Variants in SCFD1 observed in about 807,000 individuals in gnomAD.
SCFD1 encodes sec1 family domain-containing protein 1.
SCFD1 carries 37 observed loss-of-function variants against 103.2 expected under a neutral mutation model. The observed-to-expected ratio is 0.36, with a 90% CI of 0.28 to 0.47. The LOEUF (loss-of-function observed/expected upper bound fraction) is 0.47, where lower values mean the gene tolerates loss of function less well. Among genes scored for constraint, SCFD1 ranks in the 20% least tolerant of loss-of-function variants. The pLI is 1.00. For missense variants in SCFD1, 639 were observed against 761.2 expected, an observed-to-expected ratio of 0.84 and a Z score of 1.89; for synonymous variants, 264 against 245.0, an observed-to-expected ratio of 1.08 and a Z score of -0.73.
chr14:30,656,390 G>C (rs1388958862), intron 10 of SCFD1, among the ~76,000 whole-genome samples: 1 of 152,144 alleles, frequency 6.6e-6, no homozygotes, highest in Non-Finnish European at 1.5e-5. Context: ...TGTGGACCAG[G>C]ATTTCTCAAC....
At chr14:30,655,059 C>T (rs1017471947) in intron 10 of SCFD1, among the ~76,000 whole-genome samples, 2 of 152,134 alleles carry the variant, frequency 1.3e-5, no homozygotes, top group Non-Finnish European at 2.9e-5. Context: ...TCCTGTCTTT[C>T]TAGAGCTTAC....
At chr14:30,674,318 A>G (rs773332293) in intron 13 of SCFD1, among the ~76,000 whole-genome samples, 3 of 152,166 alleles carry the variant, frequency 2.0e-5, no homozygotes, top group Non-Finnish European at 2.9e-5. Context: ...ACTAAAAGTT[A>G]AACAGTTTTT....
chr14:30,637,224 A>C (rs533736565), intron 4 of SCFD1, among the ~76,000 whole-genome samples: 4 of 152,070 alleles, frequency 2.6e-5, no homozygotes, highest in Non-Finnish European at 5.9e-5. Context: ...ATCCAGATAA[A>C]CAGATAACCT....
chr14:30,701,800 A>C (rs915278847), intron 16 of SCFD1, among the ~76,000 whole-genome samples: 1 of 152,042 alleles, frequency 6.6e-6, no homozygotes, highest in Non-Finnish European at 1.5e-5. Flanking sequence ...GAAAATGAGT[A>C]AGGAAGAGTG....
At chr14:30,727,209 G>A (rs1594772758) in intron 23 of SCFD1, among the ~76,000 whole-genome samples, 1 of 152,304 alleles carries the variant, frequency 6.6e-6, no homozygotes, top group African/African-American at 2.4e-5. Flanking sequence ...ATGTTACTAT[G>A]AGTAGTTGGA....
intron 14 of SCFD1, among the ~76,000 whole-genome samples, chr14:30,677,660 T>C (rs2139236828): frequency 6.6e-6 from 1 of 152,138 alleles, no homozygotes; most frequent in African/African-American, 2.4e-5. Context: ...ATTTCCATCC[T>C]TATAAGCGGC....
chr14:30,725,086 G>A (rs890182400), intron 23 of SCFD1, among the ~76,000 whole-genome samples: 11 of 152,126 alleles, frequency 7.2e-5, no homozygotes, highest in African/African-American at 2.2e-4. Context: ...CTACTGTATA[G>A]CCCTGTACTA....
At chr14:30,733,294 C>A (rs1893612986) in intron 23 of SCFD1, among the ~76,000 whole-genome samples, 1 of 152,156 alleles carries the variant, frequency 6.6e-6, no homozygotes, top group Non-Finnish European at 1.5e-5. Flanking sequence ...AGGCATGAGC[C>A]ACTGCGCCCA....
At chr14:30,662,839 C>T (rs527589387) in intron 10 of SCFD1, among the ~76,000 whole-genome samples, 4 of 152,256 alleles carry the variant, frequency 2.6e-5, no homozygotes, top group South Asian at 2.1e-4. Flanking sequence ...CTGAAGGCTT[C>T]TACATGTTTT....
chr14:30,626,834 C>T (rs1412463199), intron 1 of SCFD1, among the ~76,000 whole-genome samples: 1 of 152,150 alleles, frequency 6.6e-6, no homozygotes, highest in East Asian at 1.9e-4. Flanking sequence ...GCAAATGTAT[C>T]ACTGAAGTAC....
intron 19 of SCFD1, among the ~76,000 whole-genome samples, chr14:30,714,270 C>T (rs1354981817): frequency 6.6e-6 from 1 of 150,820 alleles, no homozygotes; most frequent in Non-Finnish European, 1.5e-5. Flanking sequence ...AGGAGAACGG[C>T]GTGAACCCGG....
chr14:30,683,053 C>T (rs1246064692), intron 14 of SCFD1: 3 of 1,365,710 alleles, frequency 2.2e-6, no homozygotes, highest in Non-Finnish European at 3.1e-6. Context: ...GGTCAGGGCT[C>T]CTGACTGGTG....
intron 5 of SCFD1, 130 bp downstream of exon 5, chr14:30,638,377 T>C (rs925247672): frequency 1.6e-6 from 2 of 1,268,264 alleles, no homozygotes; most frequent in African/African-American, 1.6e-5. Context: ...CTCAATACTT[T>C]TATAAAGAGT....
intron 11 of SCFD1, among the ~76,000 whole-genome samples, chr14:30,671,003 C>G (rs1172807381): frequency 2.0e-5 from 3 of 151,908 alleles, no homozygotes; most frequent in African/African-American, 7.3e-5. Flanking sequence ...AGCCATCATT[C>G]TAAACAAACA....
At chr14:30,634,400 T>G (rs1884496908) in intron 4 of SCFD1, among the ~76,000 whole-genome samples, 1 of 152,212 alleles carries the variant, frequency 6.6e-6, no homozygotes, top group Non-Finnish European at 1.5e-5. Context: ...TTGCTCTATT[T>G]TATTTCTAGC....
intron 24 of SCFD1, 73 bp from the exon 25 acceptor site, chr14:30,735,513 T>C (rs1893783160): frequency 3.8e-6 from 4 of 1,057,276 alleles, no homozygotes; most frequent in Admixed American, 1.9e-5. Context: ...TTAAGGGGTT[T>C]ACAAATATGT....
At chr14:30,664,939 C>T (rs1317104505) in intron 10 of SCFD1, among the ~76,000 whole-genome samples, 1 of 152,126 alleles carries the variant, frequency 6.6e-6, no homozygotes, top group East Asian at 1.9e-4. Context: ...CTGAAAGTGA[C>T]AGGGAGAATG....
At chr14:30,694,306 T>G (rs567688924) in intron 14 of SCFD1, among the ~76,000 whole-genome samples, 1 of 152,334 alleles carries the variant, frequency 6.6e-6, no homozygotes, top group South Asian at 2.1e-4. Context: ...CCATCAAATA[T>G]GGTAAACAAA....
rs554391447 is a variant in SCFD1, at chr14:30,633,999, G to T, written c.274G>T (p.Val92Leu). The change falls in exon 4 of 25, where the codon GTA becomes TTA. Residue 92 changes from valine to leucine, a missense_variant. Physicochemically the swap from Val to Leu is conservative, Grantham distance 32. Transcript: ENST00000458591. ...PIPDVPAVYF[V>L]MPTEENIDRM... ...TCCAGATGTTCCTGCAGTATACTTTGTAATGCCAACTGAAGAAAATATTGA... is the reference window on the plus strand; with the variant it reads ...TCCAGATGTTCCTGCAGTATACTTTTTAATGCCAACTGAAGAAAATATTGA... 37 of 1,601,836 alleles carry T rather than the reference G, an allele frequency of 2.3e-5. No individual in the cohort carries two copies. In the South Asian group the frequency reaches 4.1e-4, roughly 18 times the overall value.
Sources: gnomAD v4.1 joint callset for allele counts (sites outside exome capture counted in the v4.1 genomes callset) on GRCh38, gnomAD v4.1.1 for gene constraint, MANE v1.5 for transcripts, NCBI Gene and HGNC (gene_info 2026-07-23, HGNC 2026-07-21) for gene names.